ADCY9: variants seen among roughly 807,000 people sequenced by gnomAD.
The protein encoded by ADCY9 is adenylate cyclase type 9.
In ADCY9, 50 loss-of-function variants were observed where a neutral mutation model predicts 101.5. The observed-to-expected ratio is 0.49, with a 90% CI of 0.39 to 0.62. ADCY9 has a LOEUF of 0.62. Among genes scored for constraint, ADCY9 ranks in the 20% least tolerant of loss-of-function variants. The pLI, the probability that ADCY9 is intolerant of heterozygous loss-of-function variation, is 0.00. For missense variants in ADCY9, 1,662 were observed against 1,800.4 expected, an observed-to-expected ratio of 0.92 and a Z score of 1.39; for synonymous variants, 905 against 769.3, an observed-to-expected ratio of 1.18 and a Z score of -2.92.
Position 3,983,304 on chromosome 16 carries a change from G to C in ADCY9, c.2447C>G (p.Pro816Arg), listed in dbSNP as rs1002199492. ...GAAGACCGCCAGGGCGGCGGGCGGG[G>C]GAGGCACGGTGGCCGCCTCGTACTT... is the stretch of plus-strand genomic sequence containing the variant. ...FLKYEAATVP[P>R]PPAALAVFSA... Residue 816 changes from proline (P) to arginine (R), a missense_variant, in exon 7 of 11, where the codon CCC becomes CGC. Physicochemically the swap from Pro to Arg is moderately radical, Grantham distance 103. This residue lies in a region of ADCY9 where 624 missense variants were observed against 639.1 expected (regional missense o/e 0.98). Transcript: ENST00000294016. 6.4e-7 allele frequency: 1 copy of C among 1,565,598 alleles called. No homozygotes were observed. The highest frequency in any genetic ancestry group is 1.9e-5 in the Admixed American group (1 of 52,484).
At position 4,114,620 on chromosome 16, in the gene ADCY9, C is replaced by G. The variant is rs1168785469; in HGVS notation, c.823G>C (p.Gly275Arg). 2.5e-6 allele frequency: 4 copies of G among 1,613,554 alleles called. No homozygotes were observed. The highest frequency in any genetic ancestry group is 2.7e-5 in the African/African-American group (2 of 74,928). The stretch of plus-strand genomic sequence containing the variant: ...CTCAGCAGCTCCCAGTGCAGGGCCC[C>G]GGCTCCGGGCGAGGGGAAGCAGGCT... ...DEACFPSPGA[G>R]ALHWELLSRG... Residue 275 changes from glycine to arginine, a missense_variant, in exon 2 of 11, where the codon GGG becomes CGG. Physicochemically the swap from Gly to Arg is moderately radical, Grantham distance 125. This residue lies in a region of ADCY9 where 422 missense variants were observed against 392.0 expected (regional missense o/e 1.08). Coordinates refer to ENST00000294016, the MANE Select transcript of ADCY9 (RefSeq NM_001116.4). This position sits in a 1 kb window ranked among gnomAD's most constrained non-coding sequence, Gnocchi z 4.3.
rs956964465 is a variant in ADCY9 at position 3,965,161 on chromosome 16, G to A, written c.*614C>T. 6.4e-6 allele frequency: 1 copy of A among 157,078 alleles called. No homozygotes were observed. Among genetic ancestry groups the A allele is most frequent in the African/African-American group, 2.4e-5 (1 of 41,488 alleles). 9.7% of individuals were successfully genotyped at this position (157,078 alleles called of 1,614,324 possible). On this transcript the variant is annotated 3_prime_UTR_variant, in exon 11 of 11. Transcript: ENST00000294016. ...CACAGCCCACGGGGCGCGGTGCTCG[G>A]GAAAGTGCGGGTGGGCAATGGGGGG...
intron 2 of ADCY9, among the ~76,000 whole-genome samples, chr16:4,036,416 G>T (rs184977264): frequency 6.8e-6 from 1 of 147,290 alleles, no homozygotes; most frequent in East Asian, 1.9e-4. Flanking sequence ...GGCATTCAGG[G>T]TGCCCATCAC....
chr16:4,041,087 G>T (rs765369234), intron 2 of ADCY9, among the ~76,000 whole-genome samples: 2 of 152,172 alleles, frequency 1.3e-5, no homozygotes, highest in South Asian at 2.1e-4. Context: ...TCATATAGGG[G>T]ACATTAAAGA....
intron 2 of ADCY9, among the ~76,000 whole-genome samples, chr16:4,064,515 C>T (rs1398454307): frequency 1.3e-5 from 2 of 152,152 alleles, no homozygotes; most frequent in Non-Finnish European, 2.9e-5. Context: ...CTCTGTCACT[C>T]GGGCTGGAGT....
chr16:4,107,681 G>C (rs2057086558), intron 2 of ADCY9, among the ~76,000 whole-genome samples: 1 of 151,650 alleles, frequency 6.6e-6, no homozygotes. Flanking sequence ...GTGGGGACAA[G>C]CTAACGGGGG....
At chr16:4,094,074 A>C (rs113768864) in intron 2 of ADCY9, among the ~76,000 whole-genome samples, 1 of 152,188 alleles carries the variant, frequency 6.6e-6, no homozygotes, top group Non-Finnish European at 1.5e-5. Flanking sequence ...CCTAATCACA[A>C]TTTCTTTCAG....
rs140910449 is a variant in ADCY9 at position 3,993,466 on chromosome 16, G to A, written c.1929C>T (p.Ala643=). Residue 643 remains alanine (A), a synonymous_variant, in exon 4 of 11, where the codon GCC becomes GCT. Transcript: ENST00000294016. ...CGITFAPKSE[A]GAEGGAPQNG... ...TTTGAGGTGCTCCTCCCTCGGCGCC[G>A]GCTTCAGATTTGGGAGCAAATGTGA... 147 of 1,614,146 alleles carry A rather than the reference G, an allele frequency of 9.1e-5. No individual in the cohort carries two copies. The African/African-American group carries it at 1.3e-3, about 14-fold the overall frequency.
chr16:3,960,965 C>G (rs543013341), downstream of ADCY9, among the ~76,000 whole-genome samples: 2 of 151,978 alleles, frequency 1.3e-5, no homozygotes, highest in African/African-American at 4.8e-5. Flanking sequence ...TCCCAGTACG[C>G]GGGATCTATT....
rs1242500411 is a variant in ADCY9 at position 3,988,620 on chromosome 16, G to A, written c.2310+374C>T. The stretch of plus-strand genomic sequence containing the variant: ...AGGTGGGGGGGGTTCCTTTACCAGG[G>A]CAGGTGTGGGGGCCCCTTCCAAGGC... On this transcript the variant is annotated intron_variant, in intron 6 of 10. Transcript: ENST00000294016. 2.9e-5 allele frequency among the ~76,000 whole-genome samples: 4 copies of A among 136,308 alleles called. No individual in the cohort carries two copies. The East Asian group carries it at 7.4e-4, about 25-fold the overall frequency. The allele number at this position is 136,308 out of a possible 152,430, so 89.4% of individuals were successfully genotyped here.
chr16:4,057,446 G>A (rs940563287), intron 2 of ADCY9, among the ~76,000 whole-genome samples: 7 of 152,152 alleles, frequency 4.6e-5, no homozygotes, highest in African/African-American at 7.2e-5. Flanking sequence ...AAGAAACTCC[G>A]CACCCGGCTG....
chr16:4,101,231 A>T (rs1269789384), intron 2 of ADCY9, among the ~76,000 whole-genome samples: 1 of 151,006 alleles, frequency 6.6e-6, no homozygotes, highest in East Asian at 1.9e-4. Flanking sequence ...GATCATCTCA[A>T]CCCTATCTGT....
intron 7 of ADCY9, among the ~76,000 whole-genome samples, chr16:3,979,819 C>A (rs1385489287): frequency 6.6e-6 from 1 of 152,278 alleles, no homozygotes; most frequent in African/African-American, 2.4e-5. Flanking sequence ...CAGCCAAGCC[C>A]CTGGGCACCT....
downstream of ADCY9, among the ~76,000 whole-genome samples, chr16:3,958,881 G>T (rs536154626): frequency 9.9e-5 from 15 of 151,048 alleles, no homozygotes; most frequent in East Asian, 2.2e-3. Flanking sequence ...TCACCATGTT[G>T]GCCAGGCTAG....
Position 4,113,955 on chromosome 16 carries a change from A to C in ADCY9, c.1488T>G (p.Leu496=). Residue 496 remains leucine, a synonymous_variant, in exon 2 of 11, where the codon CTT becomes CTG. Coordinates refer to ENST00000294016, the MANE Select transcript of ADCY9 (RefSeq NM_001116.4). Reference sequence around the variant, plus strand: ...ACCTCCTCATGCCCAGGATGCCGCAAAGGACGGTGCCCGTGTGCACCCCGA... The same window carrying C: ...ACCTCCTCATGCCCAGGATGCCGCACAGGACGGTGCCCGTGTGCACCCCGA... ...MRVGVHTGTV[L]CGILGMRRFK... is the part of the protein sequence containing the mutation. 2.5e-6 allele frequency: 4 copies of C among 1,613,994 alleles called. No homozygotes were observed. Among genetic ancestry groups the C allele is most frequent in the Non-Finnish European group, 3.4e-6 (4 of 1,180,018 alleles).
chr16:3,956,506 G>GA (rs746377131), intron 5 of ADCY9, among the ~76,000 whole-genome samples: 888 of 10,934 alleles, frequency 0.081, 12 homozygotes, highest in East Asian at 0.34. Context: ...TTTTTTTTGG[G>GA]GGGGGATGGA....
At position 4,025,973 on chromosome 16, in the gene ADCY9, C is replaced by T. The variant is rs547542656; in HGVS notation, c.1694-18415G>A. On this transcript the variant is annotated intron_variant, in intron 2 of 10. Coordinates refer to ENST00000294016, the MANE Select transcript of ADCY9 (RefSeq NM_001116.4). ...TACCAGCTGGACAGCTGACAGTGGGCGCTGGCTCTTTCAAAACAGTGCTCC... is the reference window on the plus strand; with the variant it reads ...TACCAGCTGGACAGCTGACAGTGGGTGCTGGCTCTTTCAAAACAGTGCTCC... 2.2e-4 allele frequency among the ~76,000 whole-genome samples: 34 copies of T among 152,194 alleles called. 1 individual carries two copies. Among genetic ancestry groups the T allele is most frequent in the Admixed American group, 5.2e-4 (8 of 15,288 alleles).
chr16:4,021,468 C>A (rs1754974070), intron 2 of ADCY9, among the ~76,000 whole-genome samples: 1 of 152,170 alleles, frequency 6.6e-6, no homozygotes, highest in African/African-American at 2.4e-5. Flanking sequence ...CTCGGGAGGC[C>A]CCCTACCCAC....
intron 2 of ADCY9, among the ~76,000 whole-genome samples, chr16:4,076,651 G>A (rs1043678525): frequency 6.7e-5 from 9 of 133,484 alleles, no homozygotes; most frequent in South Asian, 2.5e-4. Flanking sequence ...ATCTGTGATC[G>A]CTAGAAGATA....
Sources: gnomAD v4.1 joint callset for allele counts (sites outside exome capture counted in the v4.1 genomes callset) on GRCh38, gnomAD v4.1.1 for gene constraint, gnomAD v4.1.1 regional missense constraint, Gnocchi (gnomAD v3.1) non-coding constraint, MANE v1.5 for transcripts, NCBI Gene and HGNC (gene_info 2026-07-23, HGNC 2026-07-21) for gene names.